EAF2: variants seen among roughly 807,000 people sequenced by gnomAD.
The protein encoded by EAF2 is ELL associated factor 2.
EAF2 carries 29 observed loss-of-function variants against 29.4 expected under a neutral mutation model. The observed-to-expected ratio is 0.99, with a 90% CI of 0.73 to 1.35. The LOEUF is 1.35. Ranked by LOEUF, EAF2 falls within the 40% of genes most tolerant of loss-of-function variation. EAF2 has a pLI of 0.00. For synonymous variants in EAF2, 103 were observed against 102.5 expected (o/e 1.00, Z -0.03); for missense variants, 292 against 312.0 (o/e 0.94, Z 0.48).
chr3:121,845,307 G>A (rs576125755), intron 2 of EAF2, among the ~76,000 whole-genome samples: 22 of 151,786 alleles, frequency 1.4e-4, no homozygotes, highest in African/African-American at 2.4e-4. Flanking sequence ...TCGTGGTAGT[G>A]GGCACCTGTA....
chr3:121,883,757 A>C (rs1408143654), intron 5 of EAF2, among the ~76,000 whole-genome samples: 1 of 152,248 alleles, frequency 6.6e-6, no homozygotes, highest in African/African-American at 2.4e-5. Flanking sequence ...CTATTGATTT[A>C]AATGCCTGAA....
intron 5 of EAF2, among the ~76,000 whole-genome samples, chr3:121,884,370 A>G (rs1709244510): frequency 6.6e-6 from 1 of 150,416 alleles, no homozygotes; most frequent in Non-Finnish European, 1.5e-5. Flanking sequence ...AATGAAAGTG[A>G]TGAGATGGTC....
intron 1 of EAF2, among the ~76,000 whole-genome samples, chr3:121,843,745 C>T (rs1001053080): frequency 5.9e-5 from 9 of 151,916 alleles, no homozygotes; most frequent in African/African-American, 1.9e-4. Context: ...TTAATGGCAT[C>T]GTTTGAACTA....
chr3:121,844,474 T>G lies in EAF2; in HGVS notation c.128T>G (p.Ile43Ser), dbSNP rs759771439. The stretch of plus-strand genomic sequence containing the variant: ...TTAGATGACTTCAAACCTGCTTCTA[T>G]TGACACTTCTTCTGAAGGATACCTT... ...TVRYDFKPAS[I>S]DTSSEGYLEV... The change falls in exon 2 of 6, where the codon ATT (isoleucine) becomes AGT (serine). Residue 43 changes from isoleucine to serine, a missense_variant. Transcript: ENST00000273668. 5 of 1,609,530 alleles carry G rather than the reference T, an allele frequency of 3.1e-6. No individual in the cohort carries two copies. The highest frequency in any genetic ancestry group is 4.2e-6 in the Non-Finnish European group (5 of 1,178,258).
At chr3:121,868,971 A>G (rs933305087) in intron 4 of EAF2, among the ~76,000 whole-genome samples, 1 of 152,262 alleles carries the variant, frequency 6.6e-6, no homozygotes, top group African/African-American at 2.4e-5. Context: ...ATCCTGGGCC[A>G]TAAAACAAAT....
chr3:121,858,032 G>C (rs1708754699), intron 4 of EAF2, among the ~76,000 whole-genome samples: 1 of 152,150 alleles, frequency 6.6e-6, no homozygotes, highest in Admixed American at 6.6e-5. Context: ...GTATTCCATG[G>C]TGTATATGTG....
intron 4 of EAF2, among the ~76,000 whole-genome samples, chr3:121,869,022 A>T (rs1415984205): frequency 1.3e-5 from 2 of 152,258 alleles, no homozygotes; most frequent in African/African-American, 4.8e-5. Context: ...CAGACTATGT[A>T]TCTGACCATA....
chr3:121,854,758 TAACCATGATACTGGAG>T lies in EAF2; in HGVS notation c.276_291del (p.His93ValfsTer3). 1 of 1,570,224 alleles carries T rather than the reference TAACCATGATACTGGAG, an allele frequency of 6.4e-7. No individual in the cohort carries two copies. The highest frequency in any genetic ancestry group is 1.7e-4 in the Middle Eastern group (1 of 5,910). ...ACTTAAAAGAATGCATTTTGATTAT[TAACCATGATACTGGAG>T]AATGTCGGCTAGAAAAACTCAGCAG... On this transcript the variant is annotated frameshift_variant, in exon 3 of 6. Coordinates refer to ENST00000273668, the MANE Select transcript of EAF2 (RefSeq NM_018456.6). LOFTEE classifies it high-confidence loss of function.
intron 1 of EAF2, among the ~76,000 whole-genome samples, chr3:121,841,312 T>A (rs1029145073): frequency 1.3e-5 from 2 of 150,954 alleles, no homozygotes; most frequent in Non-Finnish European, 3.0e-5. Context: ...AAGACCAGCC[T>A]GACCAATTTG....
intron 1 of EAF2, among the ~76,000 whole-genome samples, chr3:121,838,863 A>G (rs1708353412): frequency 6.6e-6 from 1 of 152,238 alleles, no homozygotes; most frequent in Admixed American, 6.5e-5. Context: ...ACACATACAT[A>G]CAAGTTAAGA....
At chr3:121,845,213 G>A (rs941037282) in intron 2 of EAF2, among the ~76,000 whole-genome samples, 2 of 152,094 alleles carry the variant, frequency 1.3e-5, no homozygotes, top group Non-Finnish European at 2.9e-5. Context: ...GCCGAAGCAG[G>A]TGGATCACGA....
intron 4 of EAF2, among the ~76,000 whole-genome samples, chr3:121,869,051 T>C (rs1708969744): frequency 6.6e-6 from 1 of 152,134 alleles, no homozygotes; most frequent in Admixed American, 6.5e-5. Context: ...AAACTAAAAA[T>C]CAATAACAGA....
At chr3:121,851,178 T>A (rs1198425225) in intron 2 of EAF2, among the ~76,000 whole-genome samples, 1 of 151,998 alleles carries the variant, frequency 6.6e-6, no homozygotes, top group African/African-American at 2.4e-5. Flanking sequence ...TGCACGCACT[T>A]ATTTTATTTA....
chr3:121,857,770 C>T (rs548514307), intron 4 of EAF2, among the ~76,000 whole-genome samples: 2 of 152,070 alleles, frequency 1.3e-5, no homozygotes, highest in Non-Finnish European at 2.9e-5. Context: ...TGTGCTGCAC[C>T]CATTAACTCA....
intron 1 of EAF2, among the ~76,000 whole-genome samples, chr3:121,839,888 A>G (rs1708377542): frequency 6.6e-6 from 1 of 152,154 alleles, no homozygotes. Context: ...CTAATAGGAC[A>G]TGTCCACGAA....
intron 2 of EAF2, among the ~76,000 whole-genome samples, chr3:121,853,229 A>G (rs1183634219): frequency 6.6e-6 from 1 of 152,202 alleles, no homozygotes; most frequent in Non-Finnish European, 1.5e-5. Flanking sequence ...ATTATCACAA[A>G]TAACATAATT....
intron 1 of EAF2, among the ~76,000 whole-genome samples, chr3:121,841,886 A>G (rs1402591178): frequency 2.0e-5 from 3 of 152,088 alleles, no homozygotes; most frequent in African/African-American, 7.2e-5. Flanking sequence ...CACGCCCGTA[A>G]TCTCAGCTAC....
intron 4 of EAF2, among the ~76,000 whole-genome samples, chr3:121,869,410 A>T (rs958296146): frequency 6.6e-6 from 1 of 152,246 alleles, no homozygotes; most frequent in African/African-American, 2.4e-5. Context: ...AAAATTAATG[A>T]AACAAAAAGG....
chr3:121,859,647 T>G (rs1454969015), intron 4 of EAF2, among the ~76,000 whole-genome samples: 1 of 152,198 alleles, frequency 6.6e-6, no homozygotes, highest in African/African-American at 2.4e-5. Flanking sequence ...CTTTTCCCAA[T>G]TGAATACCCT....
Sources: gnomAD v4.1 joint callset for allele counts (sites outside exome capture counted in the v4.1 genomes callset) on GRCh38, gnomAD v4.1.1 for gene constraint, MANE v1.5 for transcripts, NCBI Gene and HGNC (gene_info 2026-07-23, HGNC 2026-07-21) for gene names.